The following BCAS1 variants were observed in gnomAD, a reference collection of about 807,000 sequenced individuals.
The protein encoded by BCAS1 is breast carcinoma-amplified sequence 1.
Under a neutral mutation model 65.4 loss-of-function variants are expected in BCAS1, and 46 were observed. The ratio of observed to expected loss-of-function variants is 0.70; its 90% CI spans 0.55 to 0.90. The LOEUF (loss-of-function observed/expected upper bound fraction) is 0.90. BCAS1 is among the 40% of genes least tolerant of loss of function. BCAS1 has a pLI of 0.00. For missense variants in BCAS1, 793 were observed against 771.2 expected, an observed-to-expected ratio of 1.03 and a Z score of -0.33; for synonymous variants, 298 against 293.5, an observed-to-expected ratio of 1.02 and a Z score of -0.16.
intron 4 of BCAS1, among the ~76,000 whole-genome samples, chr20:53,997,906 TCCC>T (rs1167418177): frequency 6.6e-6 from 1 of 152,120 alleles, no homozygotes; most frequent in Non-Finnish European, 1.5e-5. Flanking sequence ...CTCCCTTTCA[TCCC>T]CGTGTAGTCC....
At chr20:53,989,908 A>G (rs558070794) in intron 7 of BCAS1, among the ~76,000 whole-genome samples, 5 of 152,356 alleles carry the variant, frequency 3.3e-5, no homozygotes, top group African/African-American at 1.2e-4. Flanking sequence ...ACATACTTAT[A>G]TTTAAATTAA....
chr20:54,057,960 A>G (rs1247152328), intron 3 of BCAS1, 125 bp downstream of exon 3: 3 of 740,520 alleles, frequency 4.1e-6, no homozygotes, highest in Non-Finnish European at 4.5e-6. Context: ...GAACAAACGC[A>G]AGTATTTTCA....
At chr20:54,067,300 C>G (rs543060446) in intron 1 of BCAS1, among the ~76,000 whole-genome samples, 2 of 152,168 alleles carry the variant, frequency 1.3e-5, no homozygotes, top group South Asian at 2.1e-4. Context: ...CGCTTGAACC[C>G]AGGAAGCGGA....
intron 3 of BCAS1, among the ~76,000 whole-genome samples, chr20:54,030,599 TAC>T (rs1299969864): frequency 4.2e-5 from 6 of 141,546 alleles, no homozygotes; most frequent in South Asian, 2.2e-4. Context: ...GAGAAATACA[TAC>T]ACACACACAT....
chr20:54,019,330 G>T (rs552652190), intron 4 of BCAS1, among the ~76,000 whole-genome samples: 17 of 152,322 alleles, frequency 1.1e-4, no homozygotes, highest in Admixed American at 8.5e-4. Flanking sequence ...CGTGCTTGCT[G>T]CAGGACTTCT....
intron 3 of BCAS1, among the ~76,000 whole-genome samples, chr20:54,045,580 T>C (rs539612327): frequency 2.6e-5 from 4 of 152,188 alleles, no homozygotes; most frequent in Non-Finnish European, 5.9e-5. Flanking sequence ...TTTGCAGACA[T>C]AAGCAAAACA....
At chr20:53,946,922 G>A (rs961395730) in intron 12 of BCAS1, among the ~76,000 whole-genome samples, 1 of 151,928 alleles carries the variant, frequency 6.6e-6, no homozygotes, top group Non-Finnish European at 1.5e-5. Flanking sequence ...AGTATATAGA[G>A]TGTATTATAG....
intron 3 of BCAS1, among the ~76,000 whole-genome samples, chr20:54,031,799 T>C (rs920684018): frequency 6.6e-6 from 1 of 151,200 alleles, no homozygotes; most frequent in African/African-American, 2.4e-5. Context: ...TCCAGGGAAT[T>C]GGTCAGTCCC....
chr20:54,028,947 C>G lies in BCAS1; in HGVS notation c.168G>C (p.Thr56=). 6.2e-7 allele frequency: 1 copy of G among 1,610,932 alleles called. No homozygotes were observed. The highest frequency in any genetic ancestry group is 8.5e-7 in the Non-Finnish European group (1 of 1,178,650). The change falls in exon 4 of 13, where the codon ACG becomes ACC. Residue 56 remains threonine, a synonymous_variant. Transcript: ENST00000688948. ...EEVDLGISVK[T]DNVATSSPET... ...CGGGGGAAGAAGTGGCCACATTATC[C>G]GTCTTGACACTTATTCCCAAGTCGA...
intron 1 of BCAS1, among the ~76,000 whole-genome samples, chr20:54,065,902 T>C (rs1443507013): frequency 6.6e-6 from 1 of 152,122 alleles, no homozygotes; most frequent in African/African-American, 2.4e-5. Context: ...GCACAGCAGC[T>C]GAGGAATAGA....
At position 53,943,840 on chromosome 20, in the gene BCAS1, A is replaced by C. The variant is rs571851910; in HGVS notation, c.*1082T>G. 4 of 152,360 alleles carry C rather than the reference A, an allele frequency of 2.6e-5. No homozygotes were observed. The South Asian group carries it at 8.3e-4, about 32-fold the overall frequency. 9.4% of individuals were successfully genotyped at this position (152,360 alleles called of 1,614,324 possible). ...CGAGCCCCTCAGCCATCTGAGAAAC[A>C]TTAATAATGTAAGATAGCAGAGACC... On this transcript the variant is annotated 3_prime_UTR_variant, in exon 13 of 13. Coordinates refer to ENST00000688948, the MANE Select transcript of BCAS1 (RefSeq NM_001366298.2).
At chr20:54,052,090 A>G (rs545680648) in intron 3 of BCAS1, among the ~76,000 whole-genome samples, 1 of 152,350 alleles carries the variant, frequency 6.6e-6, no homozygotes, top group Non-Finnish European at 1.5e-5. Context: ...CATTTACAAA[A>G]ATCAGATTTA....
At chr20:54,070,032 G>A (rs1332731273) in intron 1 of BCAS1, among the ~76,000 whole-genome samples, 1 of 152,154 alleles carries the variant, frequency 6.6e-6, no homozygotes, top group Non-Finnish European at 1.5e-5. Flanking sequence ...AATGCCTGAG[G>A]TGAAGGCTCA....
At chr20:54,026,269 T>G (rs1371083572) in intron 4 of BCAS1, among the ~76,000 whole-genome samples, 1 of 152,238 alleles carries the variant, frequency 6.6e-6, no homozygotes, top group Non-Finnish European at 1.5e-5. Flanking sequence ...GCTCCCATTT[T>G]CTGACTCAAA....
chr20:54,058,951 C>T (rs771856404), intron 1 of BCAS1, among the ~76,000 whole-genome samples: 5 of 152,082 alleles, frequency 3.3e-5, no homozygotes, highest in Non-Finnish European at 7.4e-5. Context: ...TTCCGCATGG[C>T]TGGGGAGACC....
chr20:53,977,444 T>G (rs989152408), intron 8 of BCAS1, among the ~76,000 whole-genome samples: 1 of 152,242 alleles, frequency 6.6e-6, no homozygotes, highest in Non-Finnish European at 1.5e-5. Context: ...CTGTTTATAT[T>G]AGACTGAGAA....
intron 1 of BCAS1, among the ~76,000 whole-genome samples, chr20:54,064,660 C>T (rs542168539): frequency 3.3e-5 from 5 of 152,196 alleles, no homozygotes; most frequent in Non-Finnish European, 7.3e-5. Flanking sequence ...CTGGGGTTCC[C>T]CTCTCTCCTC....
At chr20:54,022,284 G>T (rs1184987275) in intron 4 of BCAS1, among the ~76,000 whole-genome samples, 5 of 142,012 alleles carry the variant, frequency 3.5e-5, no homozygotes, top group Non-Finnish European at 6.2e-5. Context: ...TTAATTGATT[G>T]TTGTGTGTGT....
At chr20:54,037,453 G>A (rs920810729) in intron 3 of BCAS1, among the ~76,000 whole-genome samples, 4 of 151,218 alleles carry the variant, frequency 2.6e-5, no homozygotes, top group Non-Finnish European at 5.9e-5. Flanking sequence ...TTTGGGTGGG[G>A]ACAAAAAGCC....
Sources: allele counts gnomAD v4.1 joint callset (sites outside exome capture counted in the v4.1 genomes callset), GRCh38; gene constraint gnomAD v4.1.1; transcripts MANE v1.5; gene names NCBI Gene and HGNC (gene_info 2026-07-23, HGNC 2026-07-21).